Variants in LIN9 observed in about 807,000 individuals in gnomAD.
The protein encoded by LIN9 is lin-9 DREAM MuvB core complex component.
LIN9 carries 18 observed loss-of-function variants against 78.0 expected under a neutral mutation model. The ratio of observed to expected loss-of-function variants is 0.23; its 90% CI spans 0.16 to 0.34. The LOEUF (loss-of-function observed/expected upper bound fraction) is 0.34, where lower values mean the gene tolerates loss of function less well. Among genes scored for constraint, LIN9 ranks in the 10% least tolerant of loss-of-function variants. The probability of loss-of-function intolerance (pLI) is 1.00; values close to 1 mark genes in which losing one functional copy is unlikely to be tolerated. For synonymous variants in LIN9, 192 were observed against 215.2 expected, an observed-to-expected ratio of 0.89 and a Z score of 0.94; for missense variants, 451 against 644.1, an observed-to-expected ratio of 0.70 and a Z score of 3.25.
At chr1:226,260,935 G>A (rs1027253694) in intron 10 of LIN9, among the ~76,000 whole-genome samples, 2 of 151,604 alleles carry the variant, frequency 1.3e-5, no homozygotes, top group African/African-American at 4.8e-5. Context: ...GTGAGCCACC[G>A]CACCCGGCCC....
At chr1:226,288,053 C>T (rs571739818) in intron 4 of LIN9, among the ~76,000 whole-genome samples, 1 of 152,020 alleles carries the variant, frequency 6.6e-6, no homozygotes, top group African/African-American at 2.4e-5. Context: ...CTCACTGCAA[C>T]CTCTGCCTCC....
intron 10 of LIN9, among the ~76,000 whole-genome samples, chr1:226,259,336 A>G (rs924315545): frequency 1.3e-5 from 2 of 152,230 alleles, no homozygotes; most frequent in Non-Finnish European, 2.9e-5. Flanking sequence ...TGACAAATAG[A>G]TCAATCCACC....
At chr1:226,260,486 A>AC (rs1230897448) in intron 10 of LIN9, among the ~76,000 whole-genome samples, 2 of 152,182 alleles carry the variant, frequency 1.3e-5, no homozygotes, top group Admixed American at 1.3e-4. Flanking sequence ...AGCCTGGGCA[A>AC]CATAGATCCC....
Position 226,232,164 on chromosome 1 carries a change from G to C in LIN9, c.*337C>G, listed in dbSNP as rs1315836343. The C allele has an allele frequency of 7.5e-6, 3 of 399,586 alleles. No homozygotes were observed. The highest frequency in any genetic ancestry group is 6.2e-5 in the African/African-American group (3 of 48,598). The allele number at this position is 399,586 out of a possible 1,614,324, so 24.8% of individuals were successfully genotyped here. A position where few individuals can be genotyped will look rare whatever the true frequency, so the allele number is the denominator to read the frequency against. ...TCTCCATTGCAGCAGTTGTCTGCAT[G>C]TGTTGCGGTGAATTCATGCACATTA... On this transcript the variant is annotated 3_prime_UTR_variant, in exon 15 of 15. Transcript: ENST00000681046.
chr1:226,268,443 ATGT>A (rs779899179), intron 7 of LIN9, among the ~76,000 whole-genome samples: 9 of 152,152 alleles, frequency 5.9e-5, no homozygotes, highest in Non-Finnish European at 1.3e-4. Flanking sequence ...AAAGACAAAG[ATGT>A]TGTGTAGAAA....
chr1:226,309,342 C>T, upstream of LIN9: 5 of 992,720 alleles, frequency 5.0e-6, no homozygotes, highest in Non-Finnish European at 6.0e-6. Flanking sequence ...GGGGCCGCGC[C>T]TCGCCCCTCC....
upstream of LIN9, chr1:226,309,438 G>C: frequency 9.4e-7 from 1 of 1,060,610 alleles, no homozygotes; most frequent in Non-Finnish European, 1.2e-6. Context: ...GGGGGGAGCA[G>C]TACCAGCTCC....
rs769691606 is a variant in LIN9 at position 226,295,945 on chromosome 1, G to C, written c.161C>G (p.Pro54Arg). The C allele has an allele frequency of 6.3e-7, 1 of 1,596,848 alleles. No individual in the cohort carries two copies. The highest frequency in any genetic ancestry group is 2.2e-5 in the East Asian group (1 of 44,738). Residue 54 changes from proline to arginine, a missense_variant and splice_region_variant, in exon 4 of 15, where the codon CCT (proline) becomes CGT (arginine). Transcript: ENST00000681046. ...TCGACTTCGTTTTGAATTTCTGAAA[G>C]GCTATGATAGAAATGTTTTCATTTA... ...GRNTSSAVEM[P>R]FRNSKRSRLF...
chr1:226,236,169 CTT>C (rs984851851), intron 12 of LIN9, among the ~76,000 whole-genome samples: 5 of 151,884 alleles, frequency 3.3e-5, no homozygotes, highest in Non-Finnish European at 7.4e-5. Flanking sequence ...TCCTTTAATA[CTT>C]TTCTAAAATT....
chr1:226,293,871 C>A (rs1250981721), intron 4 of LIN9, among the ~76,000 whole-genome samples: 2 of 152,160 alleles, frequency 1.3e-5, no homozygotes, highest in Admixed American at 1.3e-4. Flanking sequence ...TTGTCCTTGA[C>A]AACTTTTTTT....
intron 10 of LIN9, among the ~76,000 whole-genome samples, chr1:226,256,552 A>T (rs1049030058): frequency 2.4e-4 from 35 of 146,804 alleles, no homozygotes; most frequent in African/African-American, 5.7e-4. Flanking sequence ...AAATAAAATA[A>T]ATATATATAT....
chr1:226,247,902 G>T (rs1327083446), intron 11 of LIN9, among the ~76,000 whole-genome samples: 1 of 152,150 alleles, frequency 6.6e-6, no homozygotes, highest in African/African-American at 2.4e-5. Flanking sequence ...TTGAACTCGT[G>T]ACCTCAAGTG....
intron 7 of LIN9, among the ~76,000 whole-genome samples, chr1:226,274,043 G>A (rs995015659): frequency 6.6e-6 from 1 of 151,890 alleles, no homozygotes; most frequent in African/African-American, 2.4e-5. Flanking sequence ...TCACCATGTT[G>A]GTCAGGCTGC....
chr1:226,269,394 C>CA (rs1226688274), intron 7 of LIN9, among the ~76,000 whole-genome samples: 1 of 152,082 alleles, frequency 6.6e-6, no homozygotes, highest in African/African-American at 2.4e-5. Flanking sequence ...TTCCTCTCCA[C>CA]AAAAAACAAG....
chr1:226,287,490 A>G (rs1442348102), intron 5 of LIN9, among the ~76,000 whole-genome samples, 174 bp downstream of exon 5: 1 of 152,246 alleles, frequency 6.6e-6, no homozygotes, highest in Admixed American at 6.5e-5. Flanking sequence ...AAAGGATAAC[A>G]GGGAAGAAAA....
chr1:226,297,833 C>A lies in LIN9; in HGVS notation c.65-20G>T. The stretch of plus-strand genomic sequence containing the variant: ...TTCCTTCTGTAATAAATAGTTAATA[C>A]TAATGGAATTTTGGCTTAGTTCAAA... On this transcript the variant is annotated intron_variant, in intron 2 of 14. Coordinates refer to ENST00000681046, the MANE Select transcript of LIN9 (RefSeq NM_001366245.2). 2 of 1,438,240 alleles carry A rather than the reference C, an allele frequency of 1.4e-6. No individual in the cohort carries two copies. The highest frequency in any genetic ancestry group is 9.4e-7 in the Non-Finnish European group (1 of 1,067,610). The allele number at this position is 1,438,240 out of a possible 1,614,324, so 89.1% of individuals were successfully genotyped here. A position where few individuals can be genotyped will look rare whatever the true frequency, so the allele number is the denominator to read the frequency against.
chr1:226,294,536 C>T lies in LIN9; in HGVS notation c.264+1306G>A, dbSNP rs529810349. Reference sequence around the variant, plus strand: ...GCAGTGAGCTGAGATCACACCACTGCACTCCACCTGGGCAACAAGAGCAAA... The same window carrying T: ...GCAGTGAGCTGAGATCACACCACTGTACTCCACCTGGGCAACAAGAGCAAA... On this transcript the variant is annotated intron_variant, in intron 4 of 14. Coordinates refer to ENST00000681046, the MANE Select transcript of LIN9 (RefSeq NM_001366245.2). Among the ~76,000 whole-genome samples the T allele has an allele frequency of 1.2e-3, 183 of 150,826 alleles. 1 individual carries two copies. The highest frequency in any genetic ancestry group is 4.1e-3 in the African/African-American group (169 of 40,928).
Position 226,235,613 on chromosome 1 carries a change from T to A in LIN9, c.1246-2090A>T, listed in dbSNP as rs1490601372. Among the ~76,000 whole-genome samples the A allele has an allele frequency of 2.0e-5, 3 of 152,220 alleles. No homozygotes were observed. The East Asian group carries it at 5.8e-4, about 29-fold the overall frequency. ...GGGAGCATTTCCTTTGAGTTTCACT[T>A]TGGCACTCAAAAAATTTTGGACTTT... On this transcript the variant is annotated intron_variant, in intron 12 of 14. Transcript: ENST00000681046.
At chr1:226,259,393 T>C (rs1039743023) in intron 10 of LIN9, among the ~76,000 whole-genome samples, 8 of 152,230 alleles carry the variant, frequency 5.3e-5, no homozygotes, top group Admixed American at 5.2e-4. Context: ...ATGAACAGAT[T>C]CAATGGGCAG....
Sources: allele counts gnomAD v4.1 joint callset (sites outside exome capture counted in the v4.1 genomes callset), GRCh38; gene constraint gnomAD v4.1.1; transcripts MANE v1.5; gene names NCBI Gene and HGNC (gene_info 2026-07-23, HGNC 2026-07-21).